ZSCAN26: variants seen among roughly 807,000 people sequenced by gnomAD.
The protein encoded by ZSCAN26 is zinc finger and SCAN domain containing 26.
ZSCAN26 carries 26 observed loss-of-function variants against 23.0 expected under a neutral mutation model. That is an observed-to-expected ratio of 1.13 (90% CI 0.83 to 1.57). The LOEUF (loss-of-function observed/expected upper bound fraction) is 1.57. ZSCAN26 is among the 40% of genes most tolerant of loss of function. The pLI, the probability that ZSCAN26 is intolerant of heterozygous loss-of-function variation, is 0.00. For missense variants in ZSCAN26, 528 were observed against 568.5 expected (o/e 0.93, Z 0.72); for synonymous variants, 180 against 202.5 (o/e 0.89, Z 0.94).
rs374282195 is a variant in ZSCAN26 at position 28,276,550 on chromosome 6, C to T, written c.894C>T (p.Leu298=). 7 of 1,613,434 alleles carry T rather than the reference C, an allele frequency of 4.3e-6. No homozygotes were observed. The highest frequency in any genetic ancestry group is 1.6e-4 in the Middle Eastern group (1 of 6,062). The change falls in exon 4 of 4, where the codon CTC becomes CTT. Residue 298 remains leucine (L), a synonymous_variant. Transcript: ENST00000421553. ...CGKAFQRSSH[L]VRHQKIHLGE... ...AAGCCTTTCAGAGGAGTTCACACCTCGTCAGACATCAGAAAATCCATCTTG... is the reference window on the plus strand; with the variant it reads ...AAGCCTTTCAGAGGAGTTCACACCTTGTCAGACATCAGAAAATCCATCTTG...
At position 28,272,335 on chromosome 6, in the gene ZSCAN26, A is replaced by G. The variant is rs765154187; in HGVS notation, c.416A>G (p.Gln139Arg). 1.8e-5 allele frequency: 27 copies of G among 1,526,070 alleles called. No individual in the cohort carries two copies. The highest frequency in any genetic ancestry group is 1.2e-4 in the African/African-American group (9 of 72,534). 94.5% of individuals were successfully genotyped at this position (1,526,070 alleles called of 1,614,324 possible). A position where few individuals can be genotyped will look rare whatever the true frequency, so the allele number is the denominator to read the frequency against. Residue 139 changes from glutamine to arginine, a missense_variant, in exon 2 of 4, where the codon CAG becomes CGG. Transcript: ENST00000421553. ...LQLDLGETGQ[Q>R]VDPDQPKKQK... ...CTGGATCTTGGAGAAACAGGACAACAGGTGGTAAGGGTCAGATGTGCTCTT... is the reference window on the plus strand; with the variant it reads ...CTGGATCTTGGAGAAACAGGACAACGGGTGGTAAGGGTCAGATGTGCTCTT...
In ZSCAN26 at chr6:28,272,276, G is replaced by A; in HGVS notation, c.357G>A (p.Arg119=). The A allele has an allele frequency of 6.2e-7, 1 of 1,601,510 alleles. No homozygotes were observed. Among genetic ancestry groups the A allele is most frequent in the Non-Finnish European group, 8.5e-7 (1 of 1,173,764 alleles). Reference sequence around the variant, plus strand: ...TGCAGGAGCATCACCCAGAGAGCAGGGAGGACGTGGTTGTTGTTCTGGAGG... The same window carrying A: ...TGCAGGAGCATCACCCAGAGAGCAGAGAGGACGTGGTTGTTGTTCTGGAGG... ...ARVQEHHPES[R]EDVVVVLEDL... Residue 119 remains arginine (R), a synonymous_variant, in exon 2 of 4, where the codon AGG becomes AGA. Coordinates refer to ENST00000421553, the MANE Select transcript of ZSCAN26 (RefSeq NM_001023560.4).
chr6:28,268,522 C>T (rs188943730), intron 1 of ZSCAN26, among the ~76,000 whole-genome samples: 4 of 152,146 alleles, frequency 2.6e-5, no homozygotes, highest in African/African-American at 7.2e-5. Flanking sequence ...TCACTGTTTG[C>T]GTGTGGAAAA....
intron 3 of ZSCAN26, among the ~76,000 whole-genome samples, chr6:28,274,952 G>A (rs1761873704): frequency 6.6e-6 from 1 of 152,036 alleles, no homozygotes; most frequent in South Asian, 2.1e-4. Flanking sequence ...CCCTGTGTAG[G>A]ACTGAATACT....
In ZSCAN26 at chr6:28,276,634, T is replaced by C; in HGVS notation, c.978T>C (p.Leu326=). Residue 326 remains leucine, a synonymous_variant, in exon 4 of 4, where the codon CTT becomes CTC. Transcript: ENST00000421553. The part of the protein sequence containing the change: ...CGKVFSQNAG[L]LEHLRIHTGE... ...AAGTCTTTAGCCAGAATGCAGGCCT[T>C]TTGGAACATCTCAGAATTCATACTG... The C allele has an allele frequency of 1.9e-6, 3 of 1,612,052 alleles. No individual in the cohort carries two copies. Among genetic ancestry groups the C allele is most frequent in the Non-Finnish European group, 2.5e-6 (3 of 1,179,000 alleles).
At position 28,275,174 on chromosome 6, in the gene ZSCAN26, C is replaced by T. The variant is rs149455163; in HGVS notation, c.539-1021C>T. 4.6e-5 allele frequency among the ~76,000 whole-genome samples: 7 copies of T among 152,238 alleles called. No homozygotes were observed. The East Asian group carries it at 1.4e-3, about 29-fold the overall frequency. On this transcript the variant is annotated intron_variant, in intron 3 of 3. Transcript: ENST00000421553. Reference sequence around the variant, plus strand: ...AACCCTCTTTTGTTTGTTATTAGTGCTGCTTAGAGTCTTTCTTCTATTTTC... The same window carrying T: ...AACCCTCTTTTGTTTGTTATTAGTGTTGCTTAGAGTCTTTCTTCTATTTTC...
At position 28,276,672 on chromosome 6, in the gene ZSCAN26, A is replaced by T. The variant is rs1326263902; in HGVS notation, c.1016A>T (p.Tyr339Phe). Reference sequence around the variant, plus strand: ...AGAATTCATACTGGAGAGAAACCTTATCTATGTATCCATTGTGGAAAAAAT... The same window carrying T: ...AGAATTCATACTGGAGAGAAACCTTTTCTATGTATCCATTGTGGAAAAAAT... ...HLRIHTGEKPYLCIHCGKNFR... is the reference protein window; with the variant it reads ...HLRIHTGEKPFLCIHCGKNFR... The change falls in exon 4 of 4, where the codon TAT becomes TTT. Residue 339 changes from tyrosine (Y) to phenylalanine (F), a missense_variant. Coordinates refer to ENST00000421553, the MANE Select transcript of ZSCAN26 (RefSeq NM_001023560.4). 1.2e-6 allele frequency: 2 copies of T among 1,611,610 alleles called. No homozygotes were observed. The highest frequency in any genetic ancestry group is 1.7e-6 in the Non-Finnish European group (2 of 1,178,674).
At chr6:28,268,203 AT>A (rs1761523243) in intron 1 of ZSCAN26, among the ~76,000 whole-genome samples, 1 of 152,084 alleles carries the variant, frequency 6.6e-6, no homozygotes, top group Non-Finnish European at 1.5e-5. Flanking sequence ...TAATTAATAT[AT>A]GTGAAACATG....
chr6:28,271,729 G>A, intron 1 of ZSCAN26, 125 bp from the exon 2 acceptor site: 1 of 583,176 alleles, frequency 1.7e-6, no homozygotes, highest in Non-Finnish European at 3.0e-6. Context: ...CTGTATGTAT[G>A]TTTAGAAATG....
At position 28,276,420 on chromosome 6, in the gene ZSCAN26, C is replaced by T. The variant is rs779221996; in HGVS notation, c.764C>T (p.Thr255Met). The change falls in exon 4 of 4, where the codon ACG becomes ATG. Residue 255 changes from threonine to methionine, a missense_variant. Thr to Met is a moderately conservative substitution (Grantham distance 81). Transcript: ENST00000421553. ...CTGATTGAACATGCGAGTACACACACGGGAAAGAAACTCTGCGAGTCTGAT... is the reference window on the plus strand; with the variant it reads ...CTGATTGAACATGCGAGTACACACATGGGAAAGAAACTCTGCGAGTCTGAT... ...LDLIEHASTH[T>M]GKKLCESDVC... 4.6e-5 allele frequency: 74 copies of T among 1,613,824 alleles called. No homozygotes were observed. The South Asian group carries it at 5.2e-4, about 11-fold the overall frequency.
intron 1 of ZSCAN26, among the ~76,000 whole-genome samples, chr6:28,268,180 T>C (rs1416565288): frequency 6.6e-6 from 1 of 152,130 alleles, no homozygotes; most frequent in Non-Finnish European, 1.5e-5. Context: ...TATAGGGTTG[T>C]GTGAGGGTTA....
chr6:28,276,642 A>G lies in ZSCAN26; in HGVS notation c.986A>G (p.His329Arg), dbSNP rs180863059. The change falls in exon 4 of 4, where the codon CAT becomes CGT. Residue 329 changes from histidine to arginine, a missense_variant. Coordinates refer to ENST00000421553, the MANE Select transcript of ZSCAN26 (RefSeq NM_001023560.4). ...AGCCAGAATGCAGGCCTTTTGGAAC[A>G]TCTCAGAATTCATACTGGAGAGAAA... ...VFSQNAGLLE[H>R]LRIHTGEKPY... 24 of 1,611,840 alleles carry G rather than the reference A, an allele frequency of 1.5e-5. No homozygotes were observed. The Admixed American group carries it at 3.7e-4, about 25-fold the overall frequency.
chr6:28,267,718 A>AT (rs1761503918), intron 1 of ZSCAN26, among the ~76,000 whole-genome samples: 1 of 152,114 alleles, frequency 6.6e-6, no homozygotes, highest in Non-Finnish European at 1.5e-5. Context: ...TGAGAACTGT[A>AT]TCGTGTAAGG....
chr6:28,277,032 C>A lies in ZSCAN26; in HGVS notation c.1376C>A (p.Ala459Asp), dbSNP rs371333289. The stretch of plus-strand genomic sequence containing the variant: ...TATCAGTGTAGTGAATGTGGAGAAG[C>A]CTTCAGGCAAAGGTCAGGTCTTTTT... ...KPYQCSECGE[A>D]FRQRSGLFQH... is the part of the protein sequence containing the mutation. The change falls in exon 4 of 4, where the codon GCC becomes GAC. Residue 459 changes from alanine to aspartate, a missense_variant. Coordinates refer to ENST00000421553, the MANE Select transcript of ZSCAN26 (RefSeq NM_001023560.4). 6.2e-7 allele frequency: 1 copy of A among 1,613,818 alleles called. No individual in the cohort carries two copies. Among genetic ancestry groups the A allele is most frequent in the Non-Finnish European group, 8.5e-7 (1 of 1,179,864 alleles).
At chr6:28,271,166 T>A (rs916331103) in intron 1 of ZSCAN26, among the ~76,000 whole-genome samples, 2 of 152,164 alleles carry the variant, frequency 1.3e-5, no homozygotes. Flanking sequence ...TATTGTCTTT[T>A]TTCTCCTCCT....
rs762334316 is a variant in ZSCAN26 at position 28,276,743 on chromosome 6, C to T, written c.1087C>T (p.Gln363Ter). 3.7e-6 allele frequency: 6 copies of T among 1,613,670 alleles called. No individual in the cohort carries two copies. The highest frequency in any genetic ancestry group is 1.3e-5 in the African/African-American group (1 of 74,916). ...HLNRHQRIHS[Q>*]EEPCECKECG... is the part of the protein sequence containing the mutation. ...TAATCGACATCAGAGAATTCACAGT[C>T]AGGAGGAGCCCTGTGAGTGCAAGGA... The change falls in exon 4 of 4, where the codon CAG (glutamine) becomes TAG (stop). Residue 363 changes from glutamine (Q) to a stop codon, truncating the protein, a stop_gained. Coordinates refer to ENST00000421553, the MANE Select transcript of ZSCAN26 (RefSeq NM_001023560.4). LOFTEE classifies it low-confidence loss of function (END_TRUNC).
rs180736887 is a variant in ZSCAN26 at position 28,272,323 on chromosome 6, A to T, written c.404A>T (p.Glu135Val). Residue 135 changes from glutamate to valine, a missense_variant, in exon 2 of 4, where the codon GAA (glutamate) becomes GTA (valine). Coordinates refer to ENST00000421553, the MANE Select transcript of ZSCAN26 (RefSeq NM_001023560.4). ...GAGGATTTGCAGCTGGATCTTGGAG[A>T]AACAGGACAACAGGTGGTAAGGGTC... ...VLEDLQLDLG[E>V]TGQQVDPDQP... 18 of 1,543,182 alleles carry T rather than the reference A, an allele frequency of 1.2e-5. No individual in the cohort carries two copies. Among genetic ancestry groups the T allele is most frequent in the Admixed American group, 2.0e-5 (1 of 49,678 alleles).
rs142367838 is a variant in ZSCAN26 at position 28,277,501 on chromosome 6, C to T, written c.*405C>T. 1.3e-3 allele frequency: 236 copies of T among 177,956 alleles called. No individual in the cohort carries two copies. Among genetic ancestry groups the T allele is most frequent in the African/African-American group, 4.9e-3 (206 of 42,048 alleles). The allele number at this position is 177,956 out of a possible 1,614,324, so 11.0% of individuals were successfully genotyped here. On this transcript the variant is annotated 3_prime_UTR_variant, in exon 4 of 4. Coordinates refer to ENST00000421553, the MANE Select transcript of ZSCAN26 (RefSeq NM_001023560.4). The stretch of plus-strand genomic sequence containing the variant: ...TTGGATATGCTATAGCAGCTTTCTC[C>T]TATGAAATAAAACTGATGATGTTTG...
intron 1 of ZSCAN26, among the ~76,000 whole-genome samples, chr6:28,270,406 C>A (rs1313206195): frequency 6.6e-6 from 1 of 152,146 alleles, no homozygotes; most frequent in Non-Finnish European, 1.5e-5. Flanking sequence ...TTTCACTGAT[C>A]TATAGGGATA....
Sources: gnomAD v4.1 joint callset for allele counts (sites outside exome capture counted in the v4.1 genomes callset) on GRCh38, gnomAD v4.1.1 for gene constraint, MANE v1.5 for transcripts, NCBI Gene and HGNC (gene_info 2026-07-23, HGNC 2026-07-21) for gene names.